The following CTNNBL1 variants were observed in gnomAD, a reference collection of about 807,000 sequenced individuals.
CTNNBL1 encodes beta-catenin-like protein 1.
Under a neutral mutation model 72.7 loss-of-function variants are expected in CTNNBL1, and 31 were observed. The ratio of observed to expected loss-of-function variants is 0.43; its 90% CI spans 0.32 to 0.58. The LOEUF (loss-of-function observed/expected upper bound fraction) is 0.58, where lower values mean the gene tolerates loss of function less well. CTNNBL1 is among the 20% of genes least tolerant of loss of function. The probability of loss-of-function intolerance (pLI) is 0.08; values close to 1 mark genes in which losing one functional copy is unlikely to be tolerated. For missense variants in CTNNBL1, 534 were observed against 725.1 expected (o/e 0.74, Z 3.03); for synonymous variants, 240 against 267.3 (o/e 0.90, Z 1.00).
chr20:37,795,831 G>A (rs2073768703), intron 10 of CTNNBL1, among the ~76,000 whole-genome samples: 1 of 148,046 alleles, frequency 6.8e-6, no homozygotes, highest in African/African-American at 2.5e-5. Context: ...TGGGTCACAT[G>A]TTCCTTCTTT....
At chr20:37,718,289 AC>A (rs1321833156) in intron 1 of CTNNBL1, among the ~76,000 whole-genome samples, 1 of 118,940 alleles carries the variant, frequency 8.4e-6, no homozygotes, top group African/African-American at 3.5e-5. Flanking sequence ...CGGGGGGCTG[AC>A]CCCCCCACCT....
At chr20:37,711,048 C>T (rs983663028) in intron 1 of CTNNBL1, among the ~76,000 whole-genome samples, 1 of 152,182 alleles carries the variant, frequency 6.6e-6, no homozygotes, top group Non-Finnish European at 1.5e-5. Context: ...CTGCCATATA[C>T]AGTGTGCCTC....
intron 4 of CTNNBL1, among the ~76,000 whole-genome samples, chr20:37,747,377 TCAAAAA>T (rs1335876691): frequency 2.2e-5 from 1 of 44,486 alleles, no homozygotes; most frequent in African/African-American, 1.2e-4. Context: ...GGACTCCATC[TCAAAAA>T]AAAAAAAAAA....
chr20:37,792,436 G>C (rs1196530124), intron 10 of CTNNBL1, among the ~76,000 whole-genome samples: 1 of 152,080 alleles, frequency 6.6e-6, no homozygotes, highest in African/African-American at 2.4e-5. Context: ...AGCCTCCTAA[G>C]TAGCTGGGAC....
At chr20:37,802,786 C>T (rs1002305502) in intron 10 of CTNNBL1, 81 bp from the exon 11 acceptor site, 44 of 1,149,236 alleles carry the variant, frequency 3.8e-5, no homozygotes, top group African/African-American at 6.2e-5. Context: ...ATAATGTGTA[C>T]GGCAGCAAAT....
rs2072918469 is a variant in CTNNBL1, at chr20:37,709,445, T to C, written c.30+15293T>C. 2.0e-5 allele frequency among the ~76,000 whole-genome samples: 3 copies of C among 152,340 alleles called. No individual in the cohort carries two copies. In the South Asian group the frequency reaches 6.2e-4, roughly 32 times the overall value. On this transcript the variant is annotated intron_variant, in intron 1 of 15. Coordinates refer to ENST00000361383, the MANE Select transcript of CTNNBL1 (RefSeq NM_030877.5). ...AAACATTAGCAGCACACCAGTCCTCTGCTGGTATATAATGTTGGAATGCGA... is the reference window on the plus strand; with the variant it reads ...AAACATTAGCAGCACACCAGTCCTCCGCTGGTATATAATGTTGGAATGCGA...
At chr20:37,823,313 C>G (rs2072127217) in intron 11 of CTNNBL1, among the ~76,000 whole-genome samples, 1 of 152,236 alleles carries the variant, frequency 6.6e-6, no homozygotes, top group Non-Finnish European at 1.5e-5. Flanking sequence ...CTCCTGTCCT[C>G]TAACTGCCGC....
chr20:37,777,792 A>G (rs1165790510), intron 9 of CTNNBL1, 80 bp downstream of exon 9: 14 of 1,425,526 alleles, frequency 9.8e-6, no homozygotes, highest in Admixed American at 3.4e-5. Flanking sequence ...AAACTGTGGG[A>G]AGGAATAAGC....
intron 3 of CTNNBL1, among the ~76,000 whole-genome samples, chr20:37,745,055 T>C (rs558145659): frequency 1.3e-5 from 2 of 152,372 alleles, no homozygotes; most frequent in East Asian, 3.9e-4. Flanking sequence ...TTTACATTTT[T>C]GAGGGCTTGC....
At chr20:37,869,361 T>C (rs1042811289) in intron 15 of CTNNBL1, among the ~76,000 whole-genome samples, 3 of 152,226 alleles carry the variant, frequency 2.0e-5, no homozygotes, top group Admixed American at 1.3e-4. Context: ...AGGTGTTTTA[T>C]TATGCAAAAG....
chr20:37,871,514 C>G (rs1479017427), intron 15 of CTNNBL1, among the ~76,000 whole-genome samples: 1 of 152,034 alleles, frequency 6.6e-6, no homozygotes, highest in African/African-American at 2.4e-5. Flanking sequence ...GTCTAATCCC[C>G]CTAGATTAGA....
At chr20:37,840,067 T>C (rs767139976) in intron 11 of CTNNBL1, 35 bp from the exon 12 acceptor site, 1 of 1,500,232 alleles carries the variant, frequency 6.7e-7, no homozygotes, top group South Asian at 1.1e-5. Context: ...ACTGCTCTGA[T>C]CTCAGCATGT....
chr20:37,728,438 G>A (rs1362501055), intron 1 of CTNNBL1, among the ~76,000 whole-genome samples: 1 of 152,126 alleles, frequency 6.6e-6, no homozygotes, highest in Non-Finnish European at 1.5e-5. Context: ...AGATTGTTAA[G>A]CTCTGATAAC....
chr20:37,861,996 C>T (rs1215207426), intron 15 of CTNNBL1, among the ~76,000 whole-genome samples: 1 of 152,150 alleles, frequency 6.6e-6, no homozygotes, highest in African/African-American at 2.4e-5. Flanking sequence ...CTGGAAATCT[C>T]GTGTCTGCTC....
intron 11 of CTNNBL1, among the ~76,000 whole-genome samples, chr20:37,828,602 C>T (rs913704651): frequency 3.9e-5 from 6 of 152,190 alleles, no homozygotes; most frequent in Admixed American, 3.3e-4. Context: ...AATGAGATAA[C>T]ATGTGTAAAG....
At chr20:37,726,262 A>G (rs1311084633) in intron 1 of CTNNBL1, among the ~76,000 whole-genome samples, 1 of 152,184 alleles carries the variant, frequency 6.6e-6, no homozygotes, top group Non-Finnish European at 1.5e-5. Flanking sequence ...TTTCCTGTTG[A>G]TGGTCGTTTC....
intron 10 of CTNNBL1, among the ~76,000 whole-genome samples, chr20:37,794,098 T>C (rs1238880912): frequency 2.6e-5 from 4 of 152,220 alleles, no homozygotes; most frequent in African/African-American, 4.8e-5. Flanking sequence ...GTTATCTTTT[T>C]AAAAGAGATT....
intron 5 of CTNNBL1, among the ~76,000 whole-genome samples, chr20:37,761,154 G>T (rs1435204019): frequency 6.6e-6 from 1 of 152,218 alleles, no homozygotes; most frequent in Non-Finnish European, 1.5e-5. Flanking sequence ...GCCTCTGAAA[G>T]GGGGCTTTAA....
intron 6 of CTNNBL1, among the ~76,000 whole-genome samples, chr20:37,766,495 G>T (rs2073469548): frequency 6.6e-6 from 1 of 152,210 alleles, no homozygotes; most frequent in Non-Finnish European, 1.5e-5. Flanking sequence ...GAAAAGAAAG[G>T]AAAGACAATG....
Sources: allele counts gnomAD v4.1 joint callset (sites outside exome capture counted in the v4.1 genomes callset), GRCh38; gene constraint gnomAD v4.1.1; transcripts MANE v1.5; gene names NCBI Gene and HGNC (gene_info 2026-07-23, HGNC 2026-07-21).